The following TSPAN9 variants were observed in gnomAD, a reference collection of about 807,000 sequenced individuals.
TSPAN9 encodes the protein tetraspanin-9.
In TSPAN9, 16 loss-of-function variants were observed where a neutral mutation model predicts 31.0. The observed-to-expected ratio is 0.52, with a 90% confidence interval of 0.35 to 0.78. The LOEUF (loss-of-function observed/expected upper bound fraction) is 0.78. Ranked by LOEUF, TSPAN9 falls within the 30% of genes least tolerant of loss-of-function variation. The probability of loss-of-function intolerance (pLI) is 0.01; values close to 1 mark genes in which losing one functional copy is unlikely to be tolerated. For synonymous variants in TSPAN9, 145 were observed against 121.6 expected (o/e 1.19, Z -1.27); for missense variants, 272 against 312.5 (o/e 0.87, Z 0.98).
At chr12:3,273,028 C>A (rs751127489) in intron 3 of TSPAN9, 1 of 152,270 alleles carries the variant, frequency 6.6e-6, no homozygotes, top group African/African-American at 2.4e-5. Context: ...TGTGGATGGG[C>A]CCCTGGTGAC....
In TSPAN9 at chr12:3,107,928, T is replaced by G. The variant is rs2098315484; in HGVS notation, c.-18+24209T>G. On this transcript the variant is annotated intron_variant, in intron 2 of 8. Coordinates refer to ENST00000011898, the MANE Select transcript of TSPAN9 (RefSeq NM_006675.5). The surrounding 1 kb of genome is among the most constrained non-coding windows in gnomAD (Gnocchi z 4.1). The stretch of plus-strand genomic sequence containing the variant: ...TGCTCCCTGGACCAACCTCGTGCTA[T>G]TTATACTTTCAACTCTATTCCTAAA... Among the ~76,000 whole-genome samples the G allele has an allele frequency of 6.6e-6, 1 of 152,198 alleles. No individual in the cohort carries two copies. The highest frequency in any genetic ancestry group is 1.5e-5 in the Non-Finnish European group (1 of 68,028).
At chr12:3,078,056 G>GT (rs2098295993) in intron 1 of TSPAN9, among the ~76,000 whole-genome samples, 1 of 152,206 alleles carries the variant, frequency 6.6e-6, no homozygotes, top group South Asian at 2.1e-4. Context: ...GCTTGTTGTT[G>GT]TAAGAGCAAT....
chr12:3,278,476 A>G lies in TSPAN9; in HGVS notation c.119A>G (p.Asn40Ser). Residue 40 changes from asparagine to serine, a missense_variant, in exon 4 of 9, where the codon AAC becomes AGC. Physicochemically the swap from Asn to Ser is conservative, Grantham distance 46 (BLOSUM62 1). Coordinates refer to ENST00000011898, the MANE Select transcript of TSPAN9 (RefSeq NM_006675.5). ...ATCTGGCTCTCCGTGTCCCAAGGCA[A>G]CTTTGCCACCTTCTCCCCCAGCTTC... ...VGIWLSVSQG[N>S]FATFSPSFPS... The G allele has an allele frequency of 6.2e-7, 1 of 1,614,110 alleles. No individual in the cohort carries two copies. The highest frequency in any genetic ancestry group is 8.5e-7 in the Non-Finnish European group (1 of 1,180,000).
chr12:3,096,433 C>CTTTTTTTTTTTTTTTTTT (rs1302577208), intron 2 of TSPAN9, among the ~76,000 whole-genome samples: 2 of 152,240 alleles, frequency 1.3e-5, no homozygotes, highest in South Asian at 2.1e-4. Flanking sequence ...TGCATTGTCT[C>CTTTTTTTTTTTTTTTTTT]TTTATTCCTT....
chr12:3,155,136 A>G (rs1424589494), intron 2 of TSPAN9, among the ~76,000 whole-genome samples: 1 of 152,224 alleles, frequency 6.6e-6, no homozygotes, highest in Non-Finnish European at 1.5e-5. Context: ...TGCGGACCAA[A>G]TAAAACCTGT....
chr12:3,245,960 C>T (rs1862117132), intron 3 of TSPAN9, among the ~76,000 whole-genome samples: 1 of 152,000 alleles, frequency 6.6e-6, no homozygotes, highest in Admixed American at 6.5e-5. Flanking sequence ...TCAGTATCTC[C>T]CTCTATATTG....
intron 3 of TSPAN9, among the ~76,000 whole-genome samples, chr12:3,233,168 CTT>C (rs1381921750): frequency 6.6e-6 from 1 of 152,216 alleles, no homozygotes. Context: ...CTTTCTGTCT[CTT>C]TTGGTAGCTT....
At chr12:3,102,331 T>C (rs1447920475) in intron 2 of TSPAN9, among the ~76,000 whole-genome samples, 1 of 152,050 alleles carries the variant, frequency 6.6e-6, no homozygotes, top group Non-Finnish European at 1.5e-5. Context: ...TCTTGCTATT[T>C]TGCCCAGGCT....
intron 2 of TSPAN9, among the ~76,000 whole-genome samples, chr12:3,142,032 G>A (rs950218347): frequency 6.6e-6 from 1 of 152,184 alleles, no homozygotes; most frequent in Non-Finnish European, 1.5e-5. Context: ...TGCGCTAAGT[G>A]TCTTACCATG....
intron 3 of TSPAN9, among the ~76,000 whole-genome samples, chr12:3,235,273 T>G (rs1220154832): frequency 1.1e-5 from 1 of 94,042 alleles, no homozygotes; most frequent in Non-Finnish European, 1.9e-5. Context: ...TATATATATG[T>G]AAGTGAATGA....
intron 3 of TSPAN9, among the ~76,000 whole-genome samples, chr12:3,277,041 C>A (rs1862802091): frequency 6.6e-6 from 1 of 152,212 alleles, no homozygotes; most frequent in Admixed American, 6.5e-5. Flanking sequence ...CAGGCCCTGG[C>A]ACAGAACAGC....
chr12:3,211,520 TC>T lies in TSPAN9; in HGVS notation c.63+10269del, dbSNP rs754801118. 68 of 675,540 alleles carry T rather than the reference TC, an allele frequency of 1.0e-4. 1 individual carries two copies. Among genetic ancestry groups the T allele is most frequent in the Non-Finnish European group, 1.6e-4 (66 of 410,174 alleles). 41.8% of individuals were successfully genotyped at this position (675,540 alleles called of 1,614,324 possible). The stretch of plus-strand genomic sequence containing the variant: ...ACCAAAAATCAGTCAGCCAGCCTCT[TC>T]CCCCAAACCCTTTTGATATTTTGGT... On this transcript the variant is annotated intron_variant, in intron 3 of 8. Coordinates refer to ENST00000011898, the MANE Select transcript of TSPAN9 (RefSeq NM_006675.5).
At chr12:3,119,290 T>C (rs2098324005) in intron 2 of TSPAN9, among the ~76,000 whole-genome samples, 2 of 152,128 alleles carry the variant, frequency 1.3e-5, no homozygotes, top group Admixed American at 1.3e-4. Context: ...GCACTAGACA[T>C]CTACTTATAG....
In TSPAN9 at chr12:3,088,989, TTGGGAGGCCGA is replaced by T. The variant is rs1477989122; in HGVS notation, c.-18+5273_-18+5283del. On this transcript the variant is annotated intron_variant, in intron 2 of 8. Transcript: ENST00000011898. ...GGCTCACGCCTGTAATCCCAGCACT[TTGGGAGGCCGA>T]TGCAGGCGGATCACGAGGTCAGGAG... 2.0e-5 allele frequency among the ~76,000 whole-genome samples: 3 copies of T among 151,974 alleles called. No homozygotes were observed. In the East Asian group the frequency reaches 5.9e-4, roughly 30 times the overall value.
At chr12:3,181,969 TG>T (rs2098358784) in intron 2 of TSPAN9, among the ~76,000 whole-genome samples, 1 of 152,096 alleles carries the variant, frequency 6.6e-6, no homozygotes, top group Non-Finnish European at 1.5e-5. Context: ...CACGTGCACA[TG>T]TGTTGTGTGC....
rs1862608027 is a variant in TSPAN9 at position 3,268,944 on chromosome 12, G to C, written c.64-9477G>C. Among the ~76,000 whole-genome samples, 13 of 107,644 alleles carry C rather than the reference G, an allele frequency of 1.2e-4. No homozygotes were observed. In the Admixed American group the frequency reaches 1.3e-3, roughly 10 times the overall value. 70.6% of individuals were successfully genotyped at this position (107,644 alleles called of 152,430 possible). On this transcript the variant is annotated intron_variant, in intron 3 of 8. Coordinates refer to ENST00000011898, the MANE Select transcript of TSPAN9 (RefSeq NM_006675.5). The stretch of plus-strand genomic sequence containing the variant: ...TGTGTTCCTGCAGCCTGCCCTCTCT[G>C]TGTTCCTGCAGCCTGCCCTCTCTGT...
At chr12:3,134,117 T>C (rs1380575115) in intron 2 of TSPAN9, among the ~76,000 whole-genome samples, 1 of 152,122 alleles carries the variant, frequency 6.6e-6, no homozygotes. Context: ...CAGCTCAGCA[T>C]GGATGCTTGG....
intron 2 of TSPAN9, among the ~76,000 whole-genome samples, chr12:3,095,568 A>AG (rs1359396318): frequency 2.9e-5 from 3 of 105,186 alleles, no homozygotes; most frequent in South Asian, 3.3e-4. Flanking sequence ...ACTTCCCAGT[A>AG]GGGGCGGCCG....
intron 2 of TSPAN9, among the ~76,000 whole-genome samples, chr12:3,132,749 T>G (rs926200894): frequency 6.6e-6 from 1 of 152,210 alleles, no homozygotes; most frequent in Admixed American, 6.5e-5. Flanking sequence ...CAGTCTCCTC[T>G]GAAAGGCGCC....
Sources: gnomAD v4.1 joint callset for allele counts (sites outside exome capture counted in the v4.1 genomes callset) on GRCh38, gnomAD v4.1.1 for gene constraint, Gnocchi (gnomAD v3.1) non-coding constraint, MANE v1.5 for transcripts, NCBI Gene and HGNC (gene_info 2026-07-23, HGNC 2026-07-21) for gene names.